ZNF277: variants seen among roughly 807,000 people sequenced by gnomAD.
The protein encoded by ZNF277 is nuclear receptor-interacting factor 4.
Under a neutral mutation model 60.7 loss-of-function variants are expected in ZNF277, and 55 were observed. The observed-to-expected ratio is 0.91, with a 90% confidence interval of 0.73 to 1.13. ZNF277 has a LOEUF of 1.13. ZNF277 is among the 50% of genes most tolerant of loss of function. ZNF277 has a pLI of 0.00. For missense variants in ZNF277, 510 were observed against 523.0 expected (o/e 0.98, Z 0.24); for synonymous variants, 178 against 179.3 (o/e 0.99, Z 0.06).
Position 112,277,141 on chromosome 7 carries a change from TGGCACGATCTC to T in ZNF277, c.92-9728_92-9718del, listed in dbSNP as rs1398295250. 5.6e-5 allele frequency among the ~76,000 whole-genome samples: 8 copies of T among 143,378 alleles called. No individual in the cohort carries two copies. The East Asian group carries it at 1.6e-3, about 29-fold the overall frequency. The allele number at this position is 143,378 out of a possible 152,430, so 94.1% of individuals were successfully genotyped here. ...CTCTGTCGCCCAGGCTGGAGTGCAG[TGGCACGATCTC>T]GGCTCACTGCAAGCTCCGCCTCCCA... On this transcript the variant is annotated intron_variant, in intron 1 of 11. Coordinates refer to ENST00000361822, the MANE Select transcript of ZNF277 (RefSeq NM_021994.3).
At chr7:112,258,139 C>T (rs1791365857) in intron 1 of ZNF277, among the ~76,000 whole-genome samples, 1 of 152,024 alleles carries the variant, frequency 6.6e-6, no homozygotes, top group African/African-American at 2.4e-5. Flanking sequence ...TAAAATATAT[C>T]AGTGAGGTAA....
At chr7:112,273,108 C>G (rs1791713422) in intron 1 of ZNF277, among the ~76,000 whole-genome samples, 1 of 152,196 alleles carries the variant, frequency 6.6e-6, no homozygotes, top group Non-Finnish European at 1.5e-5. Context: ...TCCGCTGGCT[C>G]TGAGCCTAGC....
At chr7:112,334,347 G>A (rs1261020901) in intron 7 of ZNF277, among the ~76,000 whole-genome samples, 1 of 149,842 alleles carries the variant, frequency 6.7e-6, no homozygotes, top group Non-Finnish European at 1.5e-5. Flanking sequence ...TACATTCTTT[G>A]CTTTCCTGAC....
intron 5 of ZNF277, among the ~76,000 whole-genome samples, chr7:112,319,653 TATATA>T (rs2117113818): frequency 6.8e-6 from 1 of 147,396 alleles, no homozygotes; most frequent in African/African-American, 2.5e-5. Flanking sequence ...ATTTATAAAT[TATATA>T]ATATATATAA....
Position 112,342,945 on chromosome 7 carries a change from T to C in ZNF277, c.*216T>C, listed in dbSNP as rs2117151978. 1 of 336,252 alleles carries C rather than the reference T, an allele frequency of 3.0e-6. No individual in the cohort carries two copies. The highest frequency in any genetic ancestry group is 5.4e-6 in the Non-Finnish European group (1 of 186,416). The allele number at this position is 336,252 out of a possible 1,614,324, so 20.8% of individuals were successfully genotyped here. A position where few individuals can be genotyped will look rare whatever the true frequency, so the allele number is the denominator to read the frequency against. On this transcript the variant is annotated 3_prime_UTR_variant, in exon 12 of 12. Transcript: ENST00000361822. ...AAAAAAATGAAGTAGGAAAATAAGA[T>C]GAAGACTTTGTATTTTGGCTGTAAA...
chr7:112,252,272 C>A (rs1270731422), intron 1 of ZNF277, among the ~76,000 whole-genome samples: 6 of 152,026 alleles, frequency 3.9e-5, no homozygotes. Context: ...TAGCTTATTG[C>A]AATTAAGAAG....
At chr7:112,232,399 G>T (rs903417015) in intron 1 of ZNF277, among the ~76,000 whole-genome samples, 4 of 152,106 alleles carry the variant, frequency 2.6e-5, no homozygotes, top group Non-Finnish European at 5.9e-5. Flanking sequence ...GTCCTCTCCA[G>T]TACCTGTTCT....
intron 1 of ZNF277, among the ~76,000 whole-genome samples, chr7:112,233,430 T>C (rs1822393219): frequency 6.6e-6 from 1 of 152,198 alleles, no homozygotes; most frequent in Non-Finnish European, 1.5e-5. Flanking sequence ...TGGAGCATCA[T>C]TCCATGCTTG....
At chr7:112,299,085 CAA>C (rs1444186907) in intron 4 of ZNF277, among the ~76,000 whole-genome samples, 1 of 151,994 alleles carries the variant, frequency 6.6e-6, no homozygotes, top group Non-Finnish European at 1.5e-5. Context: ...AGAGGATCAA[CAA>C]AAAGTAAAAA....
At chr7:112,231,590 C>A (rs921811052) in intron 1 of ZNF277, among the ~76,000 whole-genome samples, 3 of 151,234 alleles carry the variant, frequency 2.0e-5, no homozygotes, top group African/African-American at 7.3e-5. Flanking sequence ...TGTTTTTTGG[C>A]TCCTTCCATC....
In ZNF277 at chr7:112,339,719, A is replaced by G. The variant is rs189830649; in HGVS notation, c.967-124A>G. ...GTTAGACTTGGAAGACTTCAAAAGC[A>G]GAAGATACCGAACTCAGACTGAGTT... On this transcript the variant is annotated intron_variant, in intron 9 of 11. Transcript: ENST00000361822. The G allele has an allele frequency of 3.2e-4, 288 of 899,208 alleles. 2 individuals carry two copies. In the African/African-American group the frequency reaches 4.3e-3, roughly 13 times the overall value. 55.7% of individuals were successfully genotyped at this position (899,208 alleles called of 1,614,324 possible).
At position 112,208,915 on chromosome 7, in the gene ZNF277, G is replaced by A. The variant is rs190573836; in HGVS notation, c.91+2108G>A. On this transcript the variant is annotated intron_variant, in intron 1 of 11. Transcript: ENST00000361822. The stretch of plus-strand genomic sequence containing the variant: ...CAGGAGGTCTCGATCTGCTGACCTC[G>A]TGATCCGCCCGTCTCGGCCTCCCAA... 5.9e-5 allele frequency among the ~76,000 whole-genome samples: 9 copies of A among 152,182 alleles called. No individual in the cohort carries two copies. The East Asian group carries it at 1.7e-3, about 29-fold the overall frequency.
chr7:112,244,175 A>G (rs1467882144), intron 1 of ZNF277, among the ~76,000 whole-genome samples: 1 of 152,124 alleles, frequency 6.6e-6, no homozygotes, highest in Non-Finnish European at 1.5e-5. Context: ...GAACTACCTA[A>G]TGGGTACAAT....
chr7:112,305,076 C>T (rs1433975727), intron 4 of ZNF277, among the ~76,000 whole-genome samples: 1 of 152,080 alleles, frequency 6.6e-6, no homozygotes, highest in Non-Finnish European at 1.5e-5. Flanking sequence ...TTGCTGTTTG[C>T]TGTGCTTGGA....
intron 7 of ZNF277, among the ~76,000 whole-genome samples, 200 bp from the exon 8 acceptor site, chr7:112,335,904 C>G (rs1230938900): frequency 2.0e-5 from 3 of 152,176 alleles, no homozygotes; most frequent in African/African-American, 7.2e-5. Context: ...TGCTTTTGCA[C>G]TGTCATTAAG....
intron 1 of ZNF277, among the ~76,000 whole-genome samples, chr7:112,212,821 A>T (rs1821785870): frequency 2.0e-5 from 3 of 152,064 alleles, no homozygotes; most frequent in African/African-American, 7.2e-5. Context: ...TATCTTCTGT[A>T]TCCTCTCTCA....
chr7:112,341,047 G>A lies in ZNF277; in HGVS notation c.1184+1G>A, dbSNP rs1793434905. 6.3e-7 allele frequency: 1 copy of A among 1,583,190 alleles called. No homozygotes were observed. The highest frequency in any genetic ancestry group is 1.4e-5 in the African/African-American group (1 of 73,752). On this transcript the variant is annotated splice_donor_variant, in intron 11 of 11. Coordinates refer to ENST00000361822, the MANE Select transcript of ZNF277 (RefSeq NM_021994.3). LOFTEE classifies it high-confidence loss of function. ...ATAGAAAGACGTGGGATCAACTGGA[G>A]TACGTACTGCAAAACCAAATGTGCA...
chr7:112,228,711 A>C (rs1216099893), intron 1 of ZNF277, among the ~76,000 whole-genome samples: 1 of 152,032 alleles, frequency 6.6e-6, no homozygotes, highest in Non-Finnish European at 1.5e-5. Context: ...AGTATATGCT[A>C]AGTTCCTTTG....
intron 1 of ZNF277, among the ~76,000 whole-genome samples, chr7:112,235,205 G>C (rs1163521340): frequency 6.6e-6 from 1 of 151,922 alleles, no homozygotes; most frequent in African/African-American, 2.4e-5. Flanking sequence ...TCTTCAGTCT[G>C]CCTGAAATTT....
Sources: gnomAD v4.1 joint callset for allele counts (sites outside exome capture counted in the v4.1 genomes callset) on GRCh38, gnomAD v4.1.1 for gene constraint, MANE v1.5 for transcripts, NCBI Gene and HGNC (gene_info 2026-07-23, HGNC 2026-07-21) for gene names.